Variants in NR6A1 observed in about 807,000 individuals in gnomAD.
NR6A1 encodes the protein retinoic acid receptor-related testis-associated receptor.
A neutral mutation model predicts 59.1 loss-of-function variants in NR6A1; 7 were observed. That is an observed-to-expected ratio of 0.12 (90% CI 0.07 to 0.22). The LOEUF (loss-of-function observed/expected upper bound fraction) is 0.22. Among genes scored for constraint, NR6A1 ranks in the 10% least tolerant of loss-of-function variants. The pLI is 1.00. For missense variants in NR6A1, 468 were observed against 611.6 expected (o/e 0.77, Z 2.48); for synonymous variants, 243 against 236.1 (o/e 1.03, Z -0.27).
At chr9:124,679,831 T>C (rs1588775041) in intron 2 of NR6A1, among the ~76,000 whole-genome samples, 1 of 148,640 alleles carries the variant, frequency 6.7e-6, no homozygotes, top group Non-Finnish European at 1.5e-5. Context: ...AGGGAGGTGG[T>C]GGTTGCAGTG....
intron 2 of NR6A1, among the ~76,000 whole-genome samples, chr9:124,597,091 CT>C (rs1835293354): frequency 6.6e-6 from 1 of 152,144 alleles, no homozygotes; most frequent in Non-Finnish European, 1.5e-5. Context: ...GCAAATATTG[CT>C]ACTACCATTA....
chr9:124,576,801 C>T (rs967749131), intron 2 of NR6A1, among the ~76,000 whole-genome samples: 2 of 152,078 alleles, frequency 1.3e-5, no homozygotes, highest in African/African-American at 4.8e-5. Context: ...GCCTGTGAAT[C>T]CTAGTTGAGA....
intron 2 of NR6A1, among the ~76,000 whole-genome samples, chr9:124,569,153 C>T (rs1335652820): frequency 6.6e-6 from 1 of 152,052 alleles, no homozygotes; most frequent in Non-Finnish European, 1.5e-5. Context: ...CATCACCCAT[C>T]CCCCCCTTTA....
intron 2 of NR6A1, among the ~76,000 whole-genome samples, chr9:124,687,179 C>T (rs558894590): frequency 4.0e-5 from 6 of 151,520 alleles, no homozygotes; most frequent in African/African-American, 1.2e-4. Context: ...AGTGAAGTGG[C>T]GGCACAATTA....
At chr9:124,528,856 A>G (rs2131327556) in intron 7 of NR6A1, among the ~76,000 whole-genome samples, 1 of 152,354 alleles carries the variant, frequency 6.6e-6, no homozygotes, top group Middle Eastern at 3.4e-3. Flanking sequence ...CAGTATTATA[A>G]GGATTCTAGA....
In NR6A1 at chr9:124,571,985, A is replaced by C. The variant is rs1338079719; in HGVS notation, c.143-17415T>G. 2.0e-5 allele frequency among the ~76,000 whole-genome samples: 3 copies of C among 152,214 alleles called. No homozygotes were observed. In the East Asian group the frequency reaches 5.8e-4, roughly 29 times the overall value. On this transcript the variant is annotated intron_variant, in intron 2 of 9. Coordinates refer to ENST00000487099, the MANE Select transcript of NR6A1 (RefSeq NM_033334.4). ...GCCTGCCTATATTTAGAGATCAGGA[A>C]GAACAAGAAGAGATAGAAAAAAGGT...
At chr9:124,708,119 G>T (rs1407183593) in intron 2 of NR6A1, among the ~76,000 whole-genome samples, 2 of 152,266 alleles carry the variant, frequency 1.3e-5, no homozygotes, top group Middle Eastern at 3.4e-3. Context: ...GCCCTGGCTA[G>T]TCTACTGGCC....
At chr9:124,752,880 T>C (rs1840545308) in intron 1 of NR6A1, among the ~76,000 whole-genome samples, 1 of 150,906 alleles carries the variant, frequency 6.6e-6, no homozygotes, top group Non-Finnish European at 1.5e-5. Context: ...GTTAGCTGAA[T>C]TCTCTTAGAG....
intron 2 of NR6A1, among the ~76,000 whole-genome samples, chr9:124,712,559 G>C (rs1203799342): frequency 1.3e-5 from 2 of 151,102 alleles, no homozygotes; most frequent in African/African-American, 4.9e-5. Flanking sequence ...AGTGAGCCAA[G>C]ATCACGCCAC....
At chr9:124,699,664 C>T (rs1838874057) in intron 2 of NR6A1, among the ~76,000 whole-genome samples, 1 of 152,162 alleles carries the variant, frequency 6.6e-6, no homozygotes, top group Non-Finnish European at 1.5e-5. Flanking sequence ...TTAAATTCGC[C>T]TGTTGTAAGT....
At chr9:124,721,755 C>T (rs1839571691) in intron 2 of NR6A1, among the ~76,000 whole-genome samples, 1 of 152,110 alleles carries the variant, frequency 6.6e-6, no homozygotes, top group South Asian at 2.1e-4. Flanking sequence ...ACACAAAAAC[C>T]CTGATTATAT....
rs1020296719 is a variant in NR6A1 at position 124,588,938 on chromosome 9, GA to G, written c.143-34369del. Among the ~76,000 whole-genome samples, 56 of 129,136 alleles carry G rather than the reference GA, an allele frequency of 4.3e-4. 1 individual carries two copies. Among genetic ancestry groups the G allele is most frequent in the Admixed American group, 1.0e-3 (14 of 13,616 alleles). The allele number at this position is 129,136 out of a possible 152,430, so 84.7% of individuals were successfully genotyped here. A position where few individuals can be genotyped will look rare whatever the true frequency, so the allele number is the denominator to read the frequency against. On this transcript the variant is annotated intron_variant, in intron 2 of 9. Coordinates refer to ENST00000487099, the MANE Select transcript of NR6A1 (RefSeq NM_033334.4). Reference sequence around the variant, plus strand: ...CTGTCTCAAAAAAAAAAAAAAGAAAGAAAAAAAAAACAGTATAATGTGATGG... The same window carrying G: ...CTGTCTCAAAAAAAAAAAAAAGAAAGAAAAAAAAACAGTATAATGTGATGG...
intron 2 of NR6A1, among the ~76,000 whole-genome samples, chr9:124,592,726 C>G (rs1835164325): frequency 6.6e-6 from 1 of 152,180 alleles, no homozygotes; most frequent in Non-Finnish European, 1.5e-5. Context: ...ATTATGGACC[C>G]CCAGTTCATT....
intron 2 of NR6A1, among the ~76,000 whole-genome samples, chr9:124,660,091 AC>A (rs1229812586): frequency 4.6e-5 from 7 of 152,218 alleles, no homozygotes; most frequent in African/African-American, 1.7e-4. Flanking sequence ...GCTCTCTCTT[AC>A]TTTCTGCATC....
intron 2 of NR6A1, among the ~76,000 whole-genome samples, chr9:124,722,030 T>G (rs1258088162): frequency 1.3e-5 from 2 of 152,216 alleles, no homozygotes; most frequent in African/African-American, 4.8e-5. Flanking sequence ...ATTCTGTGCA[T>G]AGTAAATATT....
At chr9:124,657,696 T>G (rs745322681) in intron 2 of NR6A1, among the ~76,000 whole-genome samples, 10 of 152,098 alleles carry the variant, frequency 6.6e-5, no homozygotes, top group Non-Finnish European at 1.3e-4. Flanking sequence ...TCTTGCATGA[T>G]TAAAGGCTAT....
rs755433501 is a variant in NR6A1, at chr9:124,524,856, T to G, written c.1219A>C (p.Ser407Arg). The change falls in exon 9 of 10, where the codon AGT (serine) becomes CGT (arginine). Residue 407 changes from serine to arginine, a missense_variant. Coordinates refer to ENST00000487099, the MANE Select transcript of NR6A1 (RefSeq NM_033334.4). ...FLNQDIRGLT[S>R]ASQLEQLNKR... ...TTCAATTGTTCCAGCTGTGAGGCAC[T>G]GGTCAGACCCCTGATATCTGTGGAA... 6.2e-7 allele frequency: 1 copy of G among 1,612,054 alleles called. No individual in the cohort carries two copies. Among genetic ancestry groups the G allele is most frequent in the Non-Finnish European group, 8.5e-7 (1 of 1,179,504 alleles).
intron 2 of NR6A1, among the ~76,000 whole-genome samples, chr9:124,654,877 C>CAT (rs1290189907): frequency 1.1e-4 from 13 of 119,320 alleles, no homozygotes; most frequent in Non-Finnish European, 2.2e-4. Flanking sequence ...TTTTTTTGTA[C>CAT]ACACACACAC....
At chr9:124,602,189 AG>A (rs1835469445) in intron 2 of NR6A1, among the ~76,000 whole-genome samples, 1 of 152,232 alleles carries the variant, frequency 6.6e-6, no homozygotes, top group Non-Finnish European at 1.5e-5. Context: ...GAATTTTTAA[AG>A]TATCCCAATC....
Sources: allele counts gnomAD v4.1 joint callset (sites outside exome capture counted in the v4.1 genomes callset), GRCh38; gene constraint gnomAD v4.1.1; transcripts MANE v1.5; gene names NCBI Gene and HGNC (gene_info 2026-07-23, HGNC 2026-07-21).